Variants in NPFFR2 observed in about 807,000 individuals in gnomAD.
NPFFR2 encodes the protein G-protein coupled receptor 74.
A neutral mutation model predicts 13.1 loss-of-function variants in NPFFR2; 15 were observed. The ratio of observed to expected loss-of-function variants is 1.15; its 90% CI spans 0.77 to 1.76. The LOEUF (loss-of-function observed/expected upper bound fraction) is 1.76. Among genes scored for constraint, NPFFR2 ranks in the 40% most tolerant of loss-of-function variants. The pLI is 0.00. For missense variants in NPFFR2, 572 were observed against 503.5 expected, an observed-to-expected ratio of 1.14 and a Z score of -1.30; for synonymous variants, 190 against 175.7, an observed-to-expected ratio of 1.08 and a Z score of -0.65.
chr4:72,138,557 C>T (rs1247618445), intron 3 of NPFFR2, among the ~76,000 whole-genome samples: 1 of 152,080 alleles, frequency 6.6e-6, no homozygotes, highest in Non-Finnish European at 1.5e-5. Context: ...TGATGGTTTC[C>T]AGCTGCATCC....
intron 1 of NPFFR2, among the ~76,000 whole-genome samples, chr4:72,076,634 G>C (rs1194009428): frequency 6.6e-6 from 1 of 152,150 alleles, no homozygotes; most frequent in African/African-American, 2.4e-5. Context: ...ATAAATGGTG[G>C]TTGAAGGGGT....
intron 1 of NPFFR2, among the ~76,000 whole-genome samples, chr4:72,054,070 C>A (rs918180180): frequency 6.6e-6 from 1 of 151,914 alleles, no homozygotes; most frequent in Non-Finnish European, 1.5e-5. Context: ...TCTATAGACA[C>A]TATTGATCTC....
chr4:72,055,989 T>C (rs1023925322), intron 1 of NPFFR2, among the ~76,000 whole-genome samples: 16 of 152,064 alleles, frequency 1.1e-4, no homozygotes, highest in African/African-American at 3.1e-4. Flanking sequence ...CTCCGTGCCA[T>C]AAAAGTCAAA....
intron 1 of NPFFR2, among the ~76,000 whole-genome samples, chr4:72,110,667 G>A (rs928583504): frequency 6.6e-6 from 1 of 151,948 alleles, no homozygotes; most frequent in East Asian, 1.9e-4. Flanking sequence ...TGGTTTATTA[G>A]GAATAGCTAT....
intron 1 of NPFFR2, among the ~76,000 whole-genome samples, chr4:72,070,551 GTGTGTGT>G (rs1720214255): frequency 3.6e-4 from 1 of 2,754 alleles, no homozygotes; most frequent in East Asian, 7.2e-3. Flanking sequence ...TCGTGTGTGT[GTGTGTGT>G]GTGGGGGGGG....
At chr4:72,146,794 T>G (rs1219012564) in intron 3 of NPFFR2, among the ~76,000 whole-genome samples, 184 bp from the exon 4 acceptor site, 2 of 152,200 alleles carry the variant, frequency 1.3e-5, no homozygotes, top group Non-Finnish European at 2.9e-5. Context: ...AATTTTGAAT[T>G]AAAATTTATC....
chr4:72,103,542 G>A (rs913393775), intron 1 of NPFFR2, among the ~76,000 whole-genome samples: 6 of 151,918 alleles, frequency 3.9e-5, no homozygotes, highest in African/African-American at 9.7e-5. Flanking sequence ...CAGCACAAAC[G>A]AATTAAGCCA....
rs1380232092 is a variant in NPFFR2, at chr4:72,069,239, A to G, written c.-8+37039A>G. ...AATCTGGAAATTAGCTGTGTGTCAA[A>G]AGAACACTGGATTATGACCTATGAA... On this transcript the variant is annotated intron_variant, in intron 1 of 3. Transcript: ENST00000308744. 3.9e-5 allele frequency among the ~76,000 whole-genome samples: 6 copies of G among 152,122 alleles called. No individual in the cohort carries two copies. In the South Asian group the frequency reaches 8.3e-4, roughly 21 times the overall value.
intron 1 of NPFFR2, among the ~76,000 whole-genome samples, chr4:72,100,773 A>C (rs772755759): frequency 2.0e-5 from 3 of 152,102 alleles, no homozygotes; most frequent in Non-Finnish European, 4.4e-5. Flanking sequence ...CAGTGGTAAT[A>C]ACATAATAAT....
chr4:72,042,598 T>A (rs1719253107), intron 1 of NPFFR2, among the ~76,000 whole-genome samples: 1 of 152,096 alleles, frequency 6.6e-6, no homozygotes, highest in Non-Finnish European at 1.5e-5. Flanking sequence ...GCTGAGGTAA[T>A]CTGAGATTGA....
At chr4:72,055,187 A>G (rs951097665) in intron 1 of NPFFR2, among the ~76,000 whole-genome samples, 1 of 151,986 alleles carries the variant, frequency 6.6e-6, no homozygotes, top group Non-Finnish European at 1.5e-5. Context: ...TGTGTTTGCA[A>G]ATTGAAAGTT....
intron 1 of NPFFR2, among the ~76,000 whole-genome samples, chr4:72,067,054 T>C (rs1720092710): frequency 6.6e-6 from 1 of 151,664 alleles, no homozygotes; most frequent in Admixed American, 6.6e-5. Flanking sequence ...GCAACAGTCC[T>C]CTCCCTGGGC....
chr4:72,131,988 C>T (rs1405042000), intron 2 of NPFFR2, among the ~76,000 whole-genome samples: 3 of 151,158 alleles, frequency 2.0e-5, no homozygotes. Context: ...TGTTATCACT[C>T]CCAGACAAGT....
chr4:72,066,998 G>A (rs1055361536), intron 1 of NPFFR2, among the ~76,000 whole-genome samples: 18 of 151,772 alleles, frequency 1.2e-4, no homozygotes, highest in African/African-American at 3.6e-4. Context: ...CCAACCCCTC[G>A]GCTCTGCTGG....
chr4:72,141,311 T>C (rs562993873), intron 3 of NPFFR2, among the ~76,000 whole-genome samples: 1 of 152,250 alleles, frequency 6.6e-6, no homozygotes, highest in South Asian at 2.1e-4. Context: ...GCTTTTGAAT[T>C]TGTTTGCTCT....
intron 1 of NPFFR2, among the ~76,000 whole-genome samples, chr4:72,057,394 T>A (rs1237807303): frequency 6.6e-6 from 1 of 152,010 alleles, no homozygotes; most frequent in East Asian, 1.9e-4. Context: ...CCAAGTTGCC[T>A]TGAAAGATCT....
intron 3 of NPFFR2, among the ~76,000 whole-genome samples, chr4:72,146,236 A>G (rs1389039811): frequency 2.6e-5 from 4 of 152,246 alleles, no homozygotes; most frequent in South Asian, 2.1e-4. Context: ...TTAATCTGGG[A>G]GCTAAACTGG....
chr4:72,083,323 TCTC>T (rs1720683447), intron 1 of NPFFR2, among the ~76,000 whole-genome samples: 1 of 152,224 alleles, frequency 6.6e-6, no homozygotes, highest in Non-Finnish European at 1.5e-5. Context: ...ATACAAGGGT[TCTC>T]TTTTGTCCAC....
intron 2 of NPFFR2, among the ~76,000 whole-genome samples, chr4:72,131,454 G>T (rs1300742221): frequency 8.7e-6 from 1 of 115,290 alleles, no homozygotes; most frequent in South Asian, 3.4e-4. Context: ...TGTGGGGTGG[G>T]GGGAGGGGGG....
Sources: allele counts gnomAD v4.1 joint callset (sites outside exome capture counted in the v4.1 genomes callset), GRCh38; gene constraint gnomAD v4.1.1; transcripts MANE v1.5; gene names NCBI Gene and HGNC (gene_info 2026-07-23, HGNC 2026-07-21).